Variants in MTDH observed in about 807,000 individuals in gnomAD.
The protein encoded by MTDH is protein LYRIC.
A neutral mutation model predicts 72.7 loss-of-function variants in MTDH; 34 were observed. The ratio of observed to expected loss-of-function variants is 0.47; its 90% CI spans 0.36 to 0.62. MTDH has a LOEUF of 0.62. Among genes scored for constraint, MTDH ranks in the 20% least tolerant of loss-of-function variants. The pLI is 0.00. For synonymous variants in MTDH, 266 were observed against 268.9 expected, an observed-to-expected ratio of 0.99 and a Z score of 0.10; for missense variants, 677 against 699.4, an observed-to-expected ratio of 0.97 and a Z score of 0.36.
At chr8:97,677,931 GT>G (rs1484643211) in intron 2 of MTDH, among the ~76,000 whole-genome samples, 1 of 152,136 alleles carries the variant, frequency 6.6e-6, no homozygotes, top group Non-Finnish European at 1.5e-5. Flanking sequence ...GGAAACACTT[GT>G]TCCTCTGCCA....
chr8:97,719,651 G>A (rs1815029122), intron 10 of MTDH, among the ~76,000 whole-genome samples: 1 of 152,092 alleles, frequency 6.6e-6, no homozygotes, highest in African/African-American at 2.4e-5. Context: ...TATAAATGAA[G>A]CTAGAGAAGT....
At chr8:97,656,871 G>C (rs1586205838) in intron 1 of MTDH, among the ~76,000 whole-genome samples, 1 of 151,720 alleles carries the variant, frequency 6.6e-6, no homozygotes, top group African/African-American at 2.4e-5. Flanking sequence ...ATGATGACAT[G>C]TGTCTAATGC....
intron 2 of MTDH, among the ~76,000 whole-genome samples, chr8:97,671,440 G>A (rs1365646562): frequency 6.6e-6 from 1 of 151,822 alleles, no homozygotes; most frequent in Non-Finnish European, 1.5e-5. Context: ...CACTGTTCTC[G>A]CAAATTTTTT....
At chr8:97,666,885 C>T (rs987664246) in intron 2 of MTDH, among the ~76,000 whole-genome samples, 1 of 152,182 alleles carries the variant, frequency 6.6e-6, no homozygotes, top group East Asian at 1.9e-4. Flanking sequence ...TTAGTAGAGA[C>T]GGGGTTTCAC....
intron 6 of MTDH, among the ~76,000 whole-genome samples, chr8:97,698,344 T>G (rs1415835115): frequency 6.6e-6 from 1 of 152,184 alleles, no homozygotes; most frequent in African/African-American, 2.4e-5. Flanking sequence ...GCTTTACATT[T>G]GCATCCTAAA....
At chr8:97,666,333 T>G (rs1812385240) in intron 2 of MTDH, among the ~76,000 whole-genome samples, 1 of 152,332 alleles carries the variant, frequency 6.6e-6, no homozygotes, top group South Asian at 2.1e-4. Flanking sequence ...TACAAAATAT[T>G]TGTACAAAAC....
intron 10 of MTDH, among the ~76,000 whole-genome samples, chr8:97,719,492 CAAAA>C (rs11383714): frequency 0.15 from 12,215 of 79,696 alleles, 684 homozygotes; most frequent in East Asian, 0.36. Flanking sequence ...GACACTGTCT[CAAAA>C]AAAAAAAAAA....
intron 7 of MTDH, among the ~76,000 whole-genome samples, chr8:97,705,783 A>G (rs894448526): frequency 7.9e-5 from 12 of 152,236 alleles, no homozygotes; most frequent in Non-Finnish European, 2.9e-5. Context: ...ATTTACAGGA[A>G]CATATATAGG....
At chr8:97,713,629 G>A (rs997107331) in intron 8 of MTDH, 33 bp from the exon 9 acceptor site, 7 of 1,241,002 alleles carry the variant, frequency 5.6e-6, no homozygotes, top group Non-Finnish European at 5.7e-6. Flanking sequence ...ATAACCATTT[G>A]GTTCTCTTTA....
At chr8:97,676,891 G>T (rs1403899760) in intron 2 of MTDH, among the ~76,000 whole-genome samples, 3 of 151,302 alleles carry the variant, frequency 2.0e-5, no homozygotes, top group Non-Finnish European at 2.9e-5. Flanking sequence ...CGTAGTCCCA[G>T]CTACTCAGGA....
chr8:97,672,527 A>G (rs1273882887), intron 2 of MTDH, among the ~76,000 whole-genome samples: 1 of 152,226 alleles, frequency 6.6e-6, no homozygotes, highest in Non-Finnish European at 1.5e-5. Context: ...TGTAAAAAAG[A>G]ATACCATACC....
chr8:97,656,767 A>C (rs1338143297), intron 1 of MTDH, among the ~76,000 whole-genome samples: 1 of 151,588 alleles, frequency 6.6e-6, no homozygotes, highest in Non-Finnish European at 1.5e-5. Flanking sequence ...TGGGAGGCTG[A>C]GGCAGGCGGG....
chr8:97,719,713 C>T (rs1309703188), intron 10 of MTDH, among the ~76,000 whole-genome samples: 1 of 152,098 alleles, frequency 6.6e-6, no homozygotes, highest in Non-Finnish European at 1.5e-5. Context: ...TCAAGAACCA[C>T]ACTGTACTGT....
rs1222445465 is a variant in MTDH at position 97,644,608 on chromosome 8, C to G, written c.102C>G (p.Thr34=). ...MLSVGLGFLR[T]ELGLDLGLEP... is the part of the protein sequence containing the mutation. The stretch of plus-strand genomic sequence containing the variant: ...CGGTCGGCCTAGGCTTTCTGCGCAC[C>G]GAGCTGGGCCTCGACCTGGGGCTGG... The change falls in exon 1 of 12, where the codon ACC becomes ACG. Residue 34 remains threonine (T), a synonymous_variant. Transcript: ENST00000336273. 6 of 1,609,442 alleles carry G rather than the reference C, an allele frequency of 3.7e-6. No homozygotes were observed. The highest frequency in any genetic ancestry group is 4.2e-6 in the Non-Finnish European group (5 of 1,179,212).
rs1415510774 is a variant in MTDH, at chr8:97,697,169, A to G, written c.1049-2585A>G. ...ATATATATTTTTTTTTTGTGGACCC[A>G]GTTTACTAATTTTGTAGTTCCGCAG... On this transcript the variant is annotated intron_variant, in intron 6 of 11. Transcript: ENST00000336273. 7.8e-5 allele frequency among the ~76,000 whole-genome samples: 9 copies of G among 115,900 alleles called. No homozygotes were observed. The South Asian group carries it at 1.7e-3, about 22-fold the overall frequency. 76.0% of individuals were successfully genotyped at this position (115,900 alleles called of 152,430 possible). A position where few individuals can be genotyped will look rare whatever the true frequency, so the allele number is the denominator to read the frequency against.
chr8:97,645,418 G>GA (rs1271104816), intron 1 of MTDH, among the ~76,000 whole-genome samples: 3 of 152,178 alleles, frequency 2.0e-5, no homozygotes, highest in Non-Finnish European at 4.4e-5. Flanking sequence ...TTTTAGTTGG[G>GA]ACTGTTAAAG....
At chr8:97,693,359 C>T (rs575127107) in intron 6 of MTDH, among the ~76,000 whole-genome samples, 17 of 152,044 alleles carry the variant, frequency 1.1e-4, no homozygotes, top group South Asian at 6.2e-4. Flanking sequence ...TTGTTTGAGA[C>T]GGAGTCTCGC....
chr8:97,657,064 C>T (rs1812007159), intron 1 of MTDH, among the ~76,000 whole-genome samples: 1 of 152,026 alleles, frequency 6.6e-6, no homozygotes, highest in Non-Finnish European at 1.5e-5. Flanking sequence ...CTCTTACATT[C>T]CATTTTCCCC....
Position 97,661,181 on chromosome 8 carries a change from T to C in MTDH, c.483+8T>C, listed in dbSNP as rs751971619. ...GACAAGAAAAATGAAAAGGTAAGTT[T>C]GGGAGCATATGAAATTGTATGCAAG... On this transcript the variant is annotated splice_region_variant and intron_variant, in intron 2 of 11. Transcript: ENST00000336273. The C allele has an allele frequency of 1.3e-6, 2 of 1,591,492 alleles. No individual in the cohort carries two copies. The highest frequency in any genetic ancestry group is 3.4e-5 in the Admixed American group (2 of 58,618).
Sources: gnomAD v4.1 joint callset for allele counts (sites outside exome capture counted in the v4.1 genomes callset) on GRCh38, gnomAD v4.1.1 for gene constraint, MANE v1.5 for transcripts, NCBI Gene and HGNC (gene_info 2026-07-23, HGNC 2026-07-21) for gene names.